Variants in SLCO3A1 observed in about 807,000 individuals in gnomAD.
SLCO3A1 encodes solute carrier organic anion transporter family member 3A1, also known as PGE1 transporter.
A neutral mutation model predicts 63.1 loss-of-function variants in SLCO3A1; 27 were observed. That is an observed-to-expected ratio of 0.43 (90% CI 0.32 to 0.59). The LOEUF (loss-of-function observed/expected upper bound fraction) is 0.59, where lower values mean the gene tolerates loss of function less well. Ranked by LOEUF, SLCO3A1 falls within the 20% of genes least tolerant of loss-of-function variation. The pLI is 0.09. For synonymous variants in SLCO3A1, 473 were observed against 409.9 expected (o/e 1.15, Z -1.86); for missense variants, 773 against 945.8 (o/e 0.82, Z 2.40).
chr15:92,124,589 C>T (rs1052593821), intron 5 of SLCO3A1, among the ~76,000 whole-genome samples: 26 of 151,946 alleles, frequency 1.7e-4, no homozygotes, highest in African/African-American at 5.1e-4. Flanking sequence ...AGAATCTAGG[C>T]GGGACTGAAC....
intron 7 of SLCO3A1, among the ~76,000 whole-genome samples, chr15:92,137,119 C>A (rs1032126305): frequency 6.9e-6 from 1 of 144,280 alleles, no homozygotes; most frequent in African/African-American, 2.7e-5. Flanking sequence ...GCTATCCCTC[C>A]CCCGTCCCCC....
chr15:92,032,833 C>G (rs1436396950), intron 2 of SLCO3A1, among the ~76,000 whole-genome samples: 1 of 142,712 alleles, frequency 7.0e-6, no homozygotes, highest in Non-Finnish European at 1.5e-5. Context: ...TTGGATTGCC[C>G]TTATAAGGGA....
At chr15:91,963,384 C>A (rs7172159) in intron 2 of SLCO3A1, among the ~76,000 whole-genome samples, 58,585 of 111,616 alleles carry the variant, frequency 0.52, 12,445 homozygotes, top group Admixed American at 0.55. Flanking sequence ...GTTTCTCTCT[C>A]GTGAGGGTTT....
intron 1 of SLCO3A1, among the ~76,000 whole-genome samples, chr15:91,890,786 A>G (rs1212614391): frequency 6.6e-6 from 1 of 152,176 alleles, no homozygotes; most frequent in Non-Finnish European, 1.5e-5. Flanking sequence ...CAGCCAATCC[A>G]GGTTGACCCT....
At chr15:91,955,437 G>T (rs1900139752) in intron 2 of SLCO3A1, among the ~76,000 whole-genome samples, 2 of 151,878 alleles carry the variant, frequency 1.3e-5, no homozygotes, top group South Asian at 4.1e-4. Context: ...GGTTCAACCA[G>T]TTCTCCTGTC....
At chr15:92,068,985 G>A (rs542046457) in intron 2 of SLCO3A1, among the ~76,000 whole-genome samples, 63 of 152,278 alleles carry the variant, frequency 4.1e-4, no homozygotes, top group African/African-American at 1.4e-3. Flanking sequence ...TTCCTACTCT[G>A]TGCTAGGCAC....
chr15:92,153,640 G>A (rs150004181), intron 9 of SLCO3A1: 7 of 152,200 alleles, frequency 4.6e-5, no homozygotes, highest in African/African-American at 1.2e-4. Context: ...GACAAGATTC[G>A]AGTTGGCACA....
At chr15:92,135,344 A>C (rs1356785419) in intron 7 of SLCO3A1, among the ~76,000 whole-genome samples, 4 of 152,136 alleles carry the variant, frequency 2.6e-5, no homozygotes, top group African/African-American at 4.8e-5. Context: ...ATCTAACAGG[A>C]CGTGCTCAGG....
At chr15:91,945,884 A>T (rs1597145330) in intron 2 of SLCO3A1, among the ~76,000 whole-genome samples, 1 of 152,308 alleles carries the variant, frequency 6.6e-6, no homozygotes, top group Non-Finnish European at 1.5e-5. Flanking sequence ...GGAGTTCCTG[A>T]TGGATTGTGA....
At chr15:91,988,681 T>G (rs1433367443) in intron 2 of SLCO3A1, among the ~76,000 whole-genome samples, 1 of 151,430 alleles carries the variant, frequency 6.6e-6, no homozygotes, top group African/African-American at 2.5e-5. Flanking sequence ...TTGTAATAAC[T>G]CTAAGGTGGA....
chr15:92,083,758 C>T lies in SLCO3A1; in HGVS notation c.647-11123C>T, dbSNP rs542617719. Among the ~76,000 whole-genome samples the T allele has an allele frequency of 1.1e-4, 17 of 152,216 alleles. No individual in the cohort carries two copies. In the South Asian group the frequency reaches 1.7e-3, roughly 15 times the overall value. On this transcript the variant is annotated intron_variant, in intron 2 of 9. Coordinates refer to ENST00000318445, the MANE Select transcript of SLCO3A1 (RefSeq NM_013272.4). ...GGTGAGAGATGGTGATTTGTGCTGT[C>T]ATCTTTGTAATAATGATTGCTAAAA...
chr15:92,100,373 C>T (rs1374951398), intron 3 of SLCO3A1, among the ~76,000 whole-genome samples: 1 of 152,202 alleles, frequency 6.6e-6, no homozygotes, highest in African/African-American at 2.4e-5. Context: ...ATGTGCCACA[C>T]CTTGACTCAG....
chr15:91,895,176 A>G (rs1009880481), intron 1 of SLCO3A1, among the ~76,000 whole-genome samples: 1 of 152,192 alleles, frequency 6.6e-6, no homozygotes, highest in Non-Finnish European at 1.5e-5. Context: ...GTGGGCGTGA[A>G]GGCAGTGTGA....
At chr15:92,110,001 T>C (rs563390523) in intron 4 of SLCO3A1, among the ~76,000 whole-genome samples, 1 of 152,120 alleles carries the variant, frequency 6.6e-6, no homozygotes, top group Admixed American at 6.5e-5. Context: ...AAATTGTTCA[T>C]AAACTGACGA....
intron 7 of SLCO3A1, among the ~76,000 whole-genome samples, chr15:92,145,314 T>C (rs1474885370): frequency 1.3e-5 from 2 of 152,146 alleles, no homozygotes; most frequent in Non-Finnish European, 2.9e-5. Flanking sequence ...TTTCCTCTCC[T>C]GGGAAGAGGA....
chr15:92,074,941 G>A (rs1229759154), intron 2 of SLCO3A1, among the ~76,000 whole-genome samples: 1 of 152,166 alleles, frequency 6.6e-6, no homozygotes, highest in African/African-American at 2.4e-5. Context: ...TGGATGCCTG[G>A]GATGGTGAGA....
chr15:92,160,069 T>C (rs2048418005), intron 9 of SLCO3A1, among the ~76,000 whole-genome samples: 1 of 152,054 alleles, frequency 6.6e-6, no homozygotes, highest in Non-Finnish European at 1.5e-5. Flanking sequence ...TCTCTAACCT[T>C]GGCTCCCCGT....
At chr15:92,127,130 T>G (rs2047934091) in intron 6 of SLCO3A1, among the ~76,000 whole-genome samples, 1 of 152,212 alleles carries the variant, frequency 6.6e-6, no homozygotes, top group African/African-American at 2.4e-5. Flanking sequence ...CCAGGCACCA[T>G]GTGCCCCTCC....
chr15:92,050,409 T>G (rs2046942678), intron 2 of SLCO3A1, among the ~76,000 whole-genome samples: 1 of 152,186 alleles, frequency 6.6e-6, no homozygotes, highest in Non-Finnish European at 1.5e-5. Context: ...TCTGAGCAGA[T>G]GCGATGTTGT....
Sources: gnomAD v4.1 joint callset for allele counts (sites outside exome capture counted in the v4.1 genomes callset) on GRCh38, gnomAD v4.1.1 for gene constraint, MANE v1.5 for transcripts, NCBI Gene and HGNC (gene_info 2026-07-23, HGNC 2026-07-21) for gene names.